Variants in ZNF30 observed in about 807,000 individuals in gnomAD.
ZNF30 encodes zinc finger protein 30 (KOX 28).
Under a neutral mutation model 13.2 loss-of-function variants are expected in ZNF30, and 15 were observed. That is an observed-to-expected ratio of 1.13 (90% CI 0.76 to 1.75). ZNF30 has a LOEUF of 1.75. Ranked by LOEUF, ZNF30 falls within the 40% of genes most tolerant of loss-of-function variation. The pLI, the probability that ZNF30 is intolerant of heterozygous loss-of-function variation, is 0.00. For missense variants in ZNF30, 726 were observed against 757.0 expected (o/e 0.96, Z 0.48); for synonymous variants, 223 against 256.6 (o/e 0.87, Z 1.25).
intron 4 of ZNF30, among the ~76,000 whole-genome samples, chr19:34,935,035 C>T (rs887757076): frequency 6.6e-6 from 1 of 152,082 alleles, no homozygotes; most frequent in African/African-American, 2.4e-5. Flanking sequence ...CGAGACCATC[C>T]TGGCTAACAT....
Position 34,944,472 on chromosome 19 carries a change from T to A in ZNF30, c.1506T>A (p.His502Gln), listed in dbSNP as rs758067915. The A allele has an allele frequency of 6.2e-7, 1 of 1,613,628 alleles. No individual in the cohort carries two copies. The highest frequency in any genetic ancestry group is 8.5e-7 in the Non-Finnish European group (1 of 1,179,918). The change falls in exon 5 of 5, where the codon CAT (histidine) becomes CAA (glutamine). Residue 502 changes from histidine (H) to glutamine (Q), a missense_variant. His to Gln is a conservative substitution (Grantham distance 24). Transcript: ENST00000601142. ...GTCGAGCCTCGTACCTTGTACAACA[T>A]AGCAGAATCCATACTGGTAAGAAGC... Reference protein sequence around the residue: ...TFSRASYLVQHSRIHTGKKPY... With the variant: ...TFSRASYLVQQSRIHTGKKPY...
rs140215760 is a variant in ZNF30 at position 34,944,728 on chromosome 19, C to T, written c.1762C>T (p.Arg588Trp). 3,377 of 1,613,834 alleles carry T rather than the reference C, an allele frequency of 2.1e-3. 8 individuals are homozygous for T. The highest frequency in any genetic ancestry group is 2.5e-3 in the Non-Finnish European group (2,900 of 1,179,900). The change falls in exon 5 of 5, where the codon CGG becomes TGG. Residue 588 changes from arginine (R) to tryptophan (W), a missense_variant. By Grantham distance (101) the Arg-to-Trp change is moderately radical. Coordinates refer to ENST00000601142, the MANE Select transcript of ZNF30 (RefSeq NM_194325.3). ...TAATTCATTCCTTACTGAACATCAGCGGGTACACACTGGTGAGAAACCCTT... is the reference window on the plus strand; with the variant it reads ...TAATTCATTCCTTACTGAACATCAGTGGGTACACACTGGTGAGAAACCCTT... ...RLNSFLTEHQ[R>W]VHTGEKPFKC...
chr19:34,944,646 T>C lies in ZNF30; in HGVS notation c.1680T>C (p.Ser560=), dbSNP rs775813888. 4.8e-5 allele frequency: 77 copies of C among 1,613,910 alleles called. No homozygotes were observed. The highest frequency in any genetic ancestry group is 6.5e-5 in the Non-Finnish European group (77 of 1,179,968). The change falls in exon 5 of 5, where the codon AGT becomes AGC. Residue 560 remains serine (S), a synonymous_variant. Transcript: ENST00000601142. ...ATGGACAACTTATTGGACATCAGAG[T>C]GTTCACACTGGTGAGAAACCTTTTG... is the stretch of plus-strand genomic sequence containing the variant. ...TVYGQLIGHQ[S]VHTGEKPFEC... is the part of the protein sequence containing the mutation.
intron 4 of ZNF30, among the ~76,000 whole-genome samples, chr19:34,937,686 G>C (rs887227974): frequency 6.6e-6 from 1 of 151,328 alleles, no homozygotes; most frequent in Non-Finnish European, 1.5e-5. Flanking sequence ...GTGAGTCTGC[G>C]CTCCAGCCTG....
At position 34,943,882 on chromosome 19, in the gene ZNF30, C is replaced by T. The variant is rs777476381; in HGVS notation, c.916C>T (p.His306Tyr). 4.3e-6 allele frequency: 7 copies of T among 1,614,166 alleles called. No individual in the cohort carries two copies. Among genetic ancestry groups the T allele is most frequent in the Non-Finnish European group, 5.9e-6 (7 of 1,180,036 alleles). Reference sequence around the variant, plus strand: ...TAGCACTAGCTCACCCCTTGCTAAGCATCAGAGAATTCATACTGGCGAGAA... The same window carrying T: ...TAGCACTAGCTCACCCCTTGCTAAGTATCAGAGAATTCATACTGGCGAGAA... ...AFSTSSPLAK[H>Y]QRIHTGEKPY... Residue 306 changes from histidine (H) to tyrosine (Y), a missense_variant, in exon 5 of 5, where the codon CAT (histidine) becomes TAT (tyrosine). Physicochemically the swap from His to Tyr is moderately conservative, Grantham distance 83. Coordinates refer to ENST00000601142, the MANE Select transcript of ZNF30 (RefSeq NM_194325.3).
chr19:34,935,249 A>T (rs35151906), intron 4 of ZNF30, among the ~76,000 whole-genome samples: 65,116 of 151,506 alleles, frequency 0.43, 15,499 homozygotes, highest in African/African-American at 0.65. Flanking sequence ...AAAAATTTTT[A>T]AAAACAATTT....
Position 34,943,830 on chromosome 19 carries a change from C to T in ZNF30, c.864C>T (p.Tyr288=), listed in dbSNP as rs372239598. ...HQRIHTSEKP[Y]ECKECGKAFS... ...GAATTCATACCAGTGAAAAACCTTACGAATGCAAAGAATGTGGGAAGGCCT... is the reference window on the plus strand; with the variant it reads ...GAATTCATACCAGTGAAAAACCTTATGAATGCAAAGAATGTGGGAAGGCCT... The change falls in exon 5 of 5, where the codon TAC becomes TAT. Residue 288 remains tyrosine (Y), a synonymous_variant. Transcript: ENST00000601142. The T allele has an allele frequency of 1.5e-4, 241 of 1,613,220 alleles. 1 individual carries two copies. The highest frequency in any genetic ancestry group is 4.5e-4 in the Admixed American group (27 of 59,922).
rs569721691 is a variant in ZNF30, at chr19:34,941,642, A to G, written c.257-1581A>G. Among the ~76,000 whole-genome samples the G allele has an allele frequency of 9.8e-5, 15 of 152,300 alleles. No homozygotes were observed. In the South Asian group the frequency reaches 2.7e-3, roughly 27 times the overall value. ...TTATCTAAAGGTCTCTTTTTCTGAC[A>G]AGGGGGATGAATGGGCCACAGTGAT... On this transcript the variant is annotated intron_variant, in intron 4 of 4. Coordinates refer to ENST00000601142, the MANE Select transcript of ZNF30 (RefSeq NM_194325.3).
rs2012100966 is a variant in ZNF30 at position 34,926,927 on chromosome 19, C to A, written c.-354C>A. On this transcript the variant is annotated 5_prime_UTR_variant, in exon 1 of 5. Coordinates refer to ENST00000601142, the MANE Select transcript of ZNF30 (RefSeq NM_194325.3). ...CCTTGTGGACTGCGCCGGGCATGCTCGGCGGTGTGACGGCTCAGGACTGCA... is the reference window on the plus strand; with the variant it reads ...CCTTGTGGACTGCGCCGGGCATGCTAGGCGGTGTGACGGCTCAGGACTGCA... 2 of 398,448 alleles carry A rather than the reference C, an allele frequency of 5.0e-6. No homozygotes were observed. The highest frequency in any genetic ancestry group is 2.1e-5 in the African/African-American group (1 of 48,742). 24.7% of individuals were successfully genotyped at this position (398,448 alleles called of 1,614,324 possible).
upstream of ZNF30, among the ~76,000 whole-genome samples, chr19:34,924,472 A>C (rs1179012243): frequency 1.3e-5 from 2 of 152,162 alleles, no homozygotes; most frequent in East Asian, 3.8e-4. Context: ...TTTGACGGCT[A>C]TTTACACATC....
At position 34,931,908 on chromosome 19, in the gene ZNF30, G is replaced by A. The variant is rs775832878; in HGVS notation, c.75G>A (p.Gln25=). ...TFEDVAIAFS[Q]QEWESLDSSQ... The stretch of plus-strand genomic sequence containing the variant: ...AGGATGTGGCCATAGCCTTCTCCCA[G>A]CAGGAGTGGGAGAGTCTGGACTCTT... Residue 25 remains glutamine, a synonymous_variant, in exon 3 of 5, where the codon CAG becomes CAA. Coordinates refer to ENST00000601142, the MANE Select transcript of ZNF30 (RefSeq NM_194325.3). 6.2e-7 allele frequency: 1 copy of A among 1,613,300 alleles called. No individual in the cohort carries two copies. Among genetic ancestry groups the A allele is most frequent in the Non-Finnish European group, 8.5e-7 (1 of 1,179,566 alleles).
intron 4 of ZNF30, among the ~76,000 whole-genome samples, chr19:34,942,272 ATC>A (rs1162585904): frequency 2.0e-5 from 3 of 151,938 alleles, no homozygotes; most frequent in African/African-American, 7.3e-5. Context: ...GCAAGACCCC[ATC>A]TCTATAAAAA....
At position 34,944,901 on chromosome 19, in the gene ZNF30, T is replaced by G; in HGVS notation, c.*63T>G. ...CAAACATTGTTGAACATCGGGGAAT[T>G]TATGCTGGTAGGAAACTTTCAAATG... is the stretch of plus-strand genomic sequence containing the variant. On this transcript the variant is annotated 3_prime_UTR_variant, in exon 5 of 5. Transcript: ENST00000601142. The G allele has an allele frequency of 6.9e-7, 1 of 1,448,338 alleles. No homozygotes were observed. The highest frequency in any genetic ancestry group is 9.2e-7 in the Non-Finnish European group (1 of 1,088,644). 89.7% of individuals were successfully genotyped at this position (1,448,338 alleles called of 1,614,324 possible).
At position 34,926,943 on chromosome 19, in the gene ZNF30, C is replaced by G. The variant is rs377462150; in HGVS notation, c.-338C>G. 8 of 398,510 alleles carry G rather than the reference C, an allele frequency of 2.0e-5. No individual in the cohort carries two copies. Among genetic ancestry groups the G allele is most frequent in the African/African-American group, 8.2e-5 (4 of 48,734 alleles). The allele number at this position is 398,510 out of a possible 1,614,324, so 24.7% of individuals were successfully genotyped here. A position where few individuals can be genotyped will look rare whatever the true frequency, so the allele number is the denominator to read the frequency against. ...GGGCATGCTCGGCGGTGTGACGGCTCAGGACTGCATTTCCCAGAGGCTGCA... is the reference window on the plus strand; with the variant it reads ...GGGCATGCTCGGCGGTGTGACGGCTGAGGACTGCATTTCCCAGAGGCTGCA... On this transcript the variant is annotated 5_prime_UTR_variant, in exon 1 of 5. Transcript: ENST00000601142.
upstream of ZNF30, among the ~76,000 whole-genome samples, chr19:34,924,117 T>C (rs2032828): frequency 0.45 from 67,839 of 151,820 alleles, 17,497 homozygotes; most frequent in African/African-American, 0.72. Flanking sequence ...AATTTACCTC[T>C]GACGATTAAA....
At position 34,943,228 on chromosome 19, in the gene ZNF30, C is replaced by A; in HGVS notation, c.262C>A (p.Gln88Lys). The change falls in exon 5 of 5, where the codon CAG (glutamine) becomes AAG (lysine). Residue 88 changes from glutamine to lysine, a missense_variant. Physicochemically the swap from Gln to Lys is moderately conservative, Grantham distance 53. Transcript: ENST00000601142. ...KDGRRWCTDL[Q>K]LEDDTIGCKE... is the part of the protein sequence containing the mutation. The stretch of plus-strand genomic sequence containing the variant: ...TTTTTAAAATTTTCTTTCAGATTTG[C>A]AGTTGGAAGATGATACAATCGGCTG... The A allele has an allele frequency of 1.3e-6, 2 of 1,489,874 alleles. No homozygotes were observed. Among genetic ancestry groups the A allele is most frequent in the South Asian group, 1.4e-5 (1 of 69,052 alleles). The allele number at this position is 1,489,874 out of a possible 1,614,324, so 92.3% of individuals were successfully genotyped here. A position where few individuals can be genotyped will look rare whatever the true frequency, so the allele number is the denominator to read the frequency against.
rs1568536715 is a variant in ZNF30 at position 34,931,895 on chromosome 19, T to C, written c.62T>C (p.Ile21Thr). 2 of 1,613,690 alleles carry C rather than the reference T, an allele frequency of 1.2e-6. No individual in the cohort carries two copies. The highest frequency in any genetic ancestry group is 2.2e-5 in the South Asian group (2 of 90,928). The change falls in exon 3 of 5, where the codon ATA (isoleucine) becomes ACA (threonine). Residue 21 changes from isoleucine to threonine, a missense_variant. Physicochemically the swap from Ile to Thr is moderately conservative, Grantham distance 89 (BLOSUM62 -1). Transcript: ENST00000601142. ...HGSVTFEDVA[I>T]AFSQQEWESL... ...TCAGTGACATTTGAGGATGTGGCCA[T>C]AGCCTTCTCCCAGCAGGAGTGGGAG...
chr19:34,926,464 G>A (rs1186202010), upstream of ZNF30, among the ~76,000 whole-genome samples: 2 of 152,096 alleles, frequency 1.3e-5, no homozygotes, highest in Non-Finnish European at 2.9e-5. Context: ...ATCTTAGATA[G>A]AACCCACAAA....
chr19:34,943,766 A>G lies in ZNF30; in HGVS notation c.800A>G (p.Lys267Arg), dbSNP rs1358008750. The G allele has an allele frequency of 6.2e-7, 1 of 1,614,022 alleles. No individual in the cohort carries two copies. The highest frequency in any genetic ancestry group is 1.1e-5 in the South Asian group (1 of 91,084). The change falls in exon 5 of 5, where the codon AAG (lysine) becomes AGG (arginine). Residue 267 changes from lysine (K) to arginine (R), a missense_variant. Physicochemically the swap from Lys to Arg is conservative, Grantham distance 26 (BLOSUM62 2). Coordinates refer to ENST00000601142, the MANE Select transcript of ZNF30 (RefSeq NM_194325.3). ...EKPFGCEECGKAFSTFSYLVQ... is the reference protein window; with the variant it reads ...EKPFGCEECGRAFSTFSYLVQ... ...CCCTTTGGGTGTGAGGAGTGTGGGAAGGCCTTCAGTACCTTTTCATACCTG... is the reference window on the plus strand; with the variant it reads ...CCCTTTGGGTGTGAGGAGTGTGGGAGGGCCTTCAGTACCTTTTCATACCTG...
Sources: gnomAD v4.1 joint callset for allele counts (sites outside exome capture counted in the v4.1 genomes callset) on GRCh38, gnomAD v4.1.1 for gene constraint, MANE v1.5 for transcripts, NCBI Gene and HGNC (gene_info 2026-07-23, HGNC 2026-07-21) for gene names.